PPM1H: variants seen among roughly 807,000 people sequenced by gnomAD.
The protein encoded by PPM1H is protein phosphatase, Mg2+/Mn2+ dependent 1H.
Under a neutral mutation model 54.9 loss-of-function variants are expected in PPM1H, and 27 were observed. The ratio of observed to expected loss-of-function variants is 0.49; its 90% CI spans 0.36 to 0.68. The LOEUF is 0.68. PPM1H is among the 30% of genes least tolerant of loss of function. The pLI is 0.00. For synonymous variants in PPM1H, 305 were observed against 270.8 expected, an observed-to-expected ratio of 1.13 and a Z score of -1.24; for missense variants, 596 against 667.8, an observed-to-expected ratio of 0.89 and a Z score of 1.19.
chr12:62,782,360 T>G (rs2076647425), intron 4 of PPM1H, among the ~76,000 whole-genome samples: 1 of 152,194 alleles, frequency 6.6e-6, no homozygotes, highest in Admixed American at 6.5e-5. Flanking sequence ...TGTAATTGAT[T>G]TTGAATTTAG....
intron 8 of PPM1H, among the ~76,000 whole-genome samples, chr12:62,670,307 C>A (rs916964773): frequency 6.6e-6 from 1 of 152,050 alleles, no homozygotes; most frequent in Admixed American, 6.5e-5. Context: ...GTTATACCTA[C>A]AATAAATTTT....
chr12:62,788,285 C>T lies in PPM1H; in HGVS notation c.810G>A (p.Thr270=), dbSNP rs376447711. 591 of 1,597,024 alleles carry T rather than the reference C, an allele frequency of 3.7e-4. 1 individual carries two copies. Among genetic ancestry groups the T allele is most frequent in the Middle Eastern group, 8.3e-4 (5 of 5,998 alleles). Residue 270 remains threonine (T), a synonymous_variant, in exon 4 of 10, where the codon ACG becomes ACA. Coordinates refer to ENST00000228705, the MANE Select transcript of PPM1H (RefSeq NM_020700.2). The part of the protein sequence containing the change: ...RSSYNISGGC[T]ALIVICLLGK... ...CCAAAAGGCAAATCACAATGAGGGC[C>T]GTGCAGCCACCAGATATATTATATG...
At chr12:62,831,817 A>ATATATGTGTG (rs1868365483) in intron 2 of PPM1H, among the ~76,000 whole-genome samples, 4 of 150,882 alleles carry the variant, frequency 2.7e-5, no homozygotes, top group African/African-American at 9.7e-5. Context: ...ATATATGTGT[A>ATATATGTGTG]TATATATATA....
At chr12:62,903,004 C>CT (rs1169141657) in intron 1 of PPM1H, among the ~76,000 whole-genome samples, 2 of 152,080 alleles carry the variant, frequency 1.3e-5, no homozygotes, top group African/African-American at 4.8e-5. Context: ...TTACAAGGTA[C>CT]TAAGGTAGTA....
At chr12:62,771,013 T>C (rs1334496293) in intron 4 of PPM1H, among the ~76,000 whole-genome samples, 1 of 148,368 alleles carries the variant, frequency 6.7e-6, no homozygotes, top group Admixed American at 6.8e-5. Context: ...TGACCTTGAC[T>C]TCACAGCTAA....
chr12:62,668,744 C>T (rs1246146320), intron 8 of PPM1H, among the ~76,000 whole-genome samples: 1 of 152,236 alleles, frequency 6.6e-6, no homozygotes, highest in East Asian at 1.9e-4. Context: ...TCCTATGGCA[C>T]AGCCATTGTT....
chr12:62,659,538 C>G (rs889450932), intron 9 of PPM1H, among the ~76,000 whole-genome samples: 1 of 152,138 alleles, frequency 6.6e-6, no homozygotes, highest in Non-Finnish European at 1.5e-5. Context: ...ATTTTAAATT[C>G]CTTGCTGGGA....
intron 8 of PPM1H, among the ~76,000 whole-genome samples, chr12:62,686,860 G>A (rs574036192): frequency 1.3e-5 from 2 of 151,024 alleles, no homozygotes; most frequent in South Asian, 4.2e-4. Context: ...ATGGATGCCA[G>A]CCCAGCTCTA....
chr12:62,713,565 T>G (rs915188310), intron 6 of PPM1H, among the ~76,000 whole-genome samples: 5 of 152,000 alleles, frequency 3.3e-5, no homozygotes. Flanking sequence ...AGGAAAGGGG[T>G]GTGAAGCCCA....
chr12:62,757,605 C>G (rs2076484078), intron 4 of PPM1H, among the ~76,000 whole-genome samples: 1 of 152,182 alleles, frequency 6.6e-6, no homozygotes, highest in African/African-American at 2.4e-5. Context: ...CATAGATCTA[C>G]TATTTTCAAG....
In PPM1H at chr12:62,918,730, T is replaced by A. The variant is rs545702890; in HGVS notation, c.245+15762A>T. Among the ~76,000 whole-genome samples, 6 of 152,328 alleles carry A rather than the reference T, an allele frequency of 3.9e-5. No homozygotes were observed. In the South Asian group the frequency reaches 1.0e-3, roughly 26 times the overall value. ...AACATCAAGGAAAAAAAATGTGTGT[T>A]ACAACCATAAATAGAATACAATGCA... On this transcript the variant is annotated intron_variant, in intron 1 of 9. Transcript: ENST00000228705.
intron 5 of PPM1H, among the ~76,000 whole-genome samples, chr12:62,727,565 A>G (rs2076296654): frequency 6.6e-6 from 1 of 151,658 alleles, no homozygotes; most frequent in Admixed American, 6.6e-5. Flanking sequence ...CTAAATAATA[A>G]TGCTTTGTCT....
chr12:62,649,896 C>T (rs1415312214), intron 9 of PPM1H, among the ~76,000 whole-genome samples: 1 of 152,188 alleles, frequency 6.6e-6, no homozygotes, highest in Non-Finnish European at 1.5e-5. Context: ...ACCTGAAAAG[C>T]TAAGAGCCAG....
intron 1 of PPM1H, among the ~76,000 whole-genome samples, chr12:62,871,294 C>T (rs1053032281): frequency 6.8e-6 from 1 of 147,566 alleles, no homozygotes; most frequent in Admixed American, 6.8e-5. Flanking sequence ...ACAAAAAAAA[C>T]GATGTTATAT....
At chr12:62,819,740 C>G (rs1436471837) in intron 2 of PPM1H, among the ~76,000 whole-genome samples, 6 of 151,410 alleles carry the variant, frequency 4.0e-5, no homozygotes, top group South Asian at 2.1e-4. Context: ...AGATGAAACC[C>G]GAAATTAATT....
At chr12:62,878,814 C>T (rs1027887775) in intron 1 of PPM1H, among the ~76,000 whole-genome samples, 2 of 152,030 alleles carry the variant, frequency 1.3e-5, no homozygotes, top group African/African-American at 2.4e-5. Context: ...GTGACACGCA[C>T]CTGTAGTCCC....
chr12:62,734,407 G>A (rs1450129046), intron 5 of PPM1H, among the ~76,000 whole-genome samples: 4 of 152,086 alleles, frequency 2.6e-5, no homozygotes, highest in African/African-American at 7.2e-5. Context: ...AAAACAGTAC[G>A]GCATGTATTA....
chr12:62,896,891 A>G (rs1386923559), intron 1 of PPM1H, among the ~76,000 whole-genome samples: 7 of 152,160 alleles, frequency 4.6e-5, no homozygotes, highest in Admixed American at 2.0e-4. Flanking sequence ...AAAATGTGGC[A>G]CACATACACT....
rs533482997 is a variant in PPM1H at position 62,839,709 on chromosome 12, C to A, written c.246-7430G>T. ...ATGGCAAGGAGATGGTTTCTACTCT[C>A]AAGGACCCTATAGTCATTTATGTTA... On this transcript the variant is annotated intron_variant, in intron 1 of 9. Coordinates refer to ENST00000228705, the MANE Select transcript of PPM1H (RefSeq NM_020700.2). Among the ~76,000 whole-genome samples the A allele has an allele frequency of 2.0e-5, 3 of 151,684 alleles. No homozygotes were observed. The South Asian group carries it at 6.2e-4, about 32-fold the overall frequency.
Sources: gnomAD v4.1 joint callset for allele counts (sites outside exome capture counted in the v4.1 genomes callset) on GRCh38, gnomAD v4.1.1 for gene constraint, MANE v1.5 for transcripts, NCBI Gene and HGNC (gene_info 2026-07-23, HGNC 2026-07-21) for gene names.